Variants in ZNF276 observed in about 807,000 individuals in gnomAD.
ZNF276 encodes centromere protein Z.
Under a neutral mutation model 63.9 loss-of-function variants are expected in ZNF276, and 59 were observed. The observed-to-expected ratio is 0.92, with a 90% CI of 0.75 to 1.15. ZNF276 has a LOEUF of 1.15. ZNF276 is among the 50% of genes most tolerant of loss of function. The pLI, the probability that ZNF276 is intolerant of heterozygous loss-of-function variation, is 0.00. For missense variants in ZNF276, 1,084 were observed against 843.8 expected (o/e 1.28, Z -3.53); for synonymous variants, 496 against 348.4 (o/e 1.42, Z -4.72).
At position 89,723,774 on chromosome 16, in the gene ZNF276, G is replaced by A. The variant is rs544318275; in HGVS notation, c.1006+65G>A. On this transcript the variant is annotated intron_variant, in intron 4 of 10. Coordinates refer to ENST00000443381, the MANE Select transcript of ZNF276 (RefSeq NM_001113525.2). Reference sequence around the variant, plus strand: ...GCTCCTCAGTGGGGCAGGGTTTTCAGCAGAAAGTGAATGTCTCCACTGCTC... The same window carrying A: ...GCTCCTCAGTGGGGCAGGGTTTTCAACAGAAAGTGAATGTCTCCACTGCTC... The A allele has an allele frequency of 2.0e-6, 3 of 1,485,466 alleles. No homozygotes were observed. In the East Asian group the frequency reaches 7.2e-5, roughly 35 times the overall value. The allele number at this position is 1,485,466 out of a possible 1,614,324, so 92.0% of individuals were successfully genotyped here.
At chr16:89,721,462 G>C, upstream of ZNF276, 1 of 536,840 alleles carries the variant, frequency 1.9e-6, no homozygotes, top group Non-Finnish European at 3.0e-6. Flanking sequence ...GTGGAACCTC[G>C]GCCGGCGGGG....
intron 5 of ZNF276, 36 bp from the exon 6 acceptor site, chr16:89,729,199 C>G (rs778501036): frequency 9.4e-6 from 15 of 1,599,074 alleles, no homozygotes; most frequent in Non-Finnish European, 1.0e-5. Context: ...CTGCCCAGGC[C>G]CAGGGCTTTG....
chr16:89,739,812 C>T lies in ZNF276; in HGVS notation c.*1566C>T, dbSNP rs545147862. 3.4e-6 allele frequency: 5 copies of T among 1,464,842 alleles called. No homozygotes were observed. The African/African-American group carries it at 5.6e-5, about 16-fold the overall frequency. The allele number at this position is 1,464,842 out of a possible 1,614,324, so 90.7% of individuals were successfully genotyped here. On this transcript the variant is annotated 3_prime_UTR_variant, in exon 11 of 11. Transcript: ENST00000443381. ...TAGGCCCATTGGTCCTGGGGTTGACCAGTGAGCCAGTAAATTATCTTATTG... is the reference window on the plus strand; with the variant it reads ...TAGGCCCATTGGTCCTGGGGTTGACTAGTGAGCCAGTAAATTATCTTATTG...
chr16:89,737,066 ATC>A lies in ZNF276; in HGVS notation c.1475-736_1475-735del, dbSNP rs769057933. 2.7e-4 allele frequency among the ~76,000 whole-genome samples: 41 copies of A among 152,192 alleles called. 1 individual carries two copies. The highest frequency in any genetic ancestry group is 1.3e-4 in the Non-Finnish European group (9 of 68,000). ...TGGCATTTGTGGACTAGCAAGTGAG[ATC>A]TCTTTGTTCAAGGGTGTGAGAAAGA... On this transcript the variant is annotated intron_variant, in intron 9 of 10. Transcript: ENST00000443381.
In ZNF276 at chr16:89,721,748, T is replaced by C. The variant is rs1480434225; in HGVS notation, c.108T>C (p.Leu36=). The C allele has an allele frequency of 1.4e-5, 18 of 1,319,922 alleles. No individual in the cohort carries two copies. Among genetic ancestry groups the C allele is most frequent in the Non-Finnish European group, 1.5e-5 (16 of 1,037,264 alleles). The allele number at this position is 1,319,922 out of a possible 1,614,324, so 81.8% of individuals were successfully genotyped here. The change falls in exon 1 of 11, where the codon CTT becomes CTC. Residue 36 remains leucine (L), a synonymous_variant. Coordinates refer to ENST00000443381, the MANE Select transcript of ZNF276 (RefSeq NM_001113525.2). The part of the protein sequence containing the change: ...GVSRTRGRPS[L]SGGPRVDGAT... ...GCCGGACTCGGGGCCGCCCTTCCCT[T>C]AGCGGTGGGCCGAGGGTGGACGGGG...
chr16:89,724,982 G>A (rs896648077), intron 4 of ZNF276, among the ~76,000 whole-genome samples: 1 of 152,166 alleles, frequency 6.6e-6, no homozygotes, highest in Non-Finnish European at 1.5e-5. Context: ...GTCTCGTTTT[G>A]TAGCCCAGGC....
upstream of ZNF276, chr16:89,720,954 C>G (rs1197300045): frequency 3.7e-5 from 43 of 1,165,348 alleles, no homozygotes; most frequent in Non-Finnish European, 4.4e-5. Flanking sequence ...TGGAGCCGCC[C>G]GAGCAGCGGA....
In ZNF276 at chr16:89,738,792, G is replaced by C. The variant is rs1466476057; in HGVS notation, c.*546G>C. 2.5e-6 allele frequency: 4 copies of C among 1,613,200 alleles called. No homozygotes were observed. Among genetic ancestry groups the C allele is most frequent in the Non-Finnish European group, 3.4e-6 (4 of 1,179,678 alleles). Reference sequence around the variant, plus strand: ...GAGGGGCTCTGGCAGAAATAGTCGAGTTGTATTGCCAGCCAGGCAGGCACA... The same window carrying C: ...GAGGGGCTCTGGCAGAAATAGTCGACTTGTATTGCCAGCCAGGCAGGCACA... On this transcript the variant is annotated 3_prime_UTR_variant, in exon 11 of 11. Coordinates refer to ENST00000443381, the MANE Select transcript of ZNF276 (RefSeq NM_001113525.2).
rs2061568181 is a variant in ZNF276 at position 89,729,234 on chromosome 16, G to T, written c.1086-1G>T. 1 of 1,613,796 alleles carries T rather than the reference G, an allele frequency of 6.2e-7. No homozygotes were observed. Among genetic ancestry groups the T allele is most frequent in the African/African-American group, 1.3e-5 (1 of 74,928 alleles). ...GCTGAAGATTCTCTCTTAATTCCTA[G>T]AGACGTCTTGAGTGAAGATGAAAAT... On this transcript the variant is annotated splice_acceptor_variant, in intron 5 of 10. Transcript: ENST00000443381. LOFTEE classifies it high-confidence loss of function.
At chr16:89,732,926 CCTGCTGTACCCTGCGCCCTCATCCT>C (rs1220036225) in intron 6 of ZNF276, 5 of 325,888 alleles carry the variant, frequency 1.5e-5, no homozygotes, top group South Asian at 2.6e-5. Context: ...TCACCCCGAC[CCTGCTGTACCCTGCGCCCTCATCCT>C]CTGCTGTGCC....
rs776783254 is a variant in ZNF276 at position 89,738,122 on chromosome 16, C to A, written c.1721C>A (p.Ser574Tyr). 6.2e-7 allele frequency: 1 copy of A among 1,613,822 alleles called. No individual in the cohort carries two copies. The highest frequency in any genetic ancestry group is 1.7e-5 in the Admixed American group (1 of 60,022). Residue 574 changes from serine (S) to tyrosine (Y), a missense_variant, in exon 11 of 11, where the codon TCC becomes TAC. Coordinates refer to ENST00000443381, the MANE Select transcript of ZNF276 (RefSeq NM_001113525.2). ...GCCCACAACCTCAATGTACACATGT[C>A]CATGGTGCACCCGCTGACACAGACC... ...EKAHNLNVHM[S>Y]MVHPLTQTQD...
chr16:89,738,503 G>A lies in ZNF276; in HGVS notation c.*257G>A, dbSNP rs1292978855. 18 of 1,567,744 alleles carry A rather than the reference G, an allele frequency of 1.1e-5. No individual in the cohort carries two copies. The stretch of plus-strand genomic sequence containing the variant: ...CTTTCCCCACTAAAGCAGTCGAGGA[G>A]ATTTGTAATCCACTTTTTAGTGCAA... On this transcript the variant is annotated 3_prime_UTR_variant, in exon 11 of 11. Transcript: ENST00000443381.
intron 4 of ZNF276, 28 bp from the exon 5 acceptor site, chr16:89,727,251 A>T (rs1173628747): frequency 1.2e-6 from 2 of 1,611,306 alleles, no homozygotes. Context: ...CCGTGTTGGT[A>T]ACAGGAGCCT....
At position 89,727,259 on chromosome 16, in the gene ZNF276, C is replaced by G; in HGVS notation, c.1007-20C>G. On this transcript the variant is annotated intron_variant, in intron 4 of 10. Coordinates refer to ENST00000443381, the MANE Select transcript of ZNF276 (RefSeq NM_001113525.2). ...CTGTGCTCCGTGTTGGTAACAGGAG[C>G]CTTGTTCTTTGTTTCTCAGGGCAGT... 1 of 1,613,120 alleles carries G rather than the reference C, an allele frequency of 6.2e-7. No homozygotes were observed. Among genetic ancestry groups the G allele is most frequent in the Non-Finnish European group, 8.5e-7 (1 of 1,179,196 alleles).
At chr16:89,728,593 G>A (rs868592409) in intron 5 of ZNF276, among the ~76,000 whole-genome samples, 10 of 152,072 alleles carry the variant, frequency 6.6e-5, no homozygotes, top group Admixed American at 2.0e-4. Flanking sequence ...TAGCAGAGAC[G>A]GGGTTTCACT....
chr16:89,723,845 C>A, intron 4 of ZNF276, 136 bp downstream of exon 4: 2 of 993,414 alleles, frequency 2.0e-6, no homozygotes, highest in Non-Finnish European at 2.9e-6. Context: ...GAGCTTGGGG[C>A]TTCTGCCTGC....
At chr16:89,730,964 G>A (rs2061627696) in intron 6 of ZNF276, among the ~76,000 whole-genome samples, 1 of 152,258 alleles carries the variant, frequency 6.6e-6, no homozygotes, top group Admixed American at 6.5e-5. Context: ...CACCCCCATG[G>A]GGAAAGAACT....
intron 5 of ZNF276, among the ~76,000 whole-genome samples, chr16:89,728,817 G>C (rs369859237): frequency 3.9e-5 from 6 of 152,342 alleles, no homozygotes; most frequent in African/African-American, 1.4e-4. Context: ...GATTACAGGA[G>C]TTAGCCTCTG....
At chr16:89,729,428 G>A (rs539507241) in intron 6 of ZNF276, 110 bp downstream of exon 6, 142 of 980,880 alleles carry the variant, frequency 1.4e-4, no homozygotes, top group African/African-American at 6.6e-4. Context: ...TCTCGTGTGC[G>A]GATCTCCCGA....
Sources: allele counts gnomAD v4.1 joint callset (sites outside exome capture counted in the v4.1 genomes callset), GRCh38; gene constraint gnomAD v4.1.1; transcripts MANE v1.5; gene names NCBI Gene and HGNC (gene_info 2026-07-23, HGNC 2026-07-21).